The following TENM4 variants were observed in gnomAD, a reference collection of about 807,000 sequenced individuals.
TENM4 encodes teneurin-4.
Under a neutral mutation model 243.3 loss-of-function variants are expected in TENM4, and 82 were observed. That is an observed-to-expected ratio of 0.34 (90% CI 0.28 to 0.40). The LOEUF (loss-of-function observed/expected upper bound fraction) is 0.40. Ranked by LOEUF, TENM4 falls within the 10% of genes least tolerant of loss-of-function variation. The probability of loss-of-function intolerance (pLI) is 1.00; values close to 1 mark genes in which losing one functional copy is unlikely to be tolerated. For missense variants in TENM4, 3,138 were observed against 3,673.3 expected (o/e 0.85, Z 3.77); for synonymous variants, 1,412 against 1,456.3 (o/e 0.97, Z 0.69).
chr11:78,805,277 T>TCCCCACCCACCACAACCCC lies in TENM4; in HGVS notation c.2179+14_2179+15insGGGGTTGTGGTGGGTGGGG. 1 of 1,402,550 alleles carries TCCCCACCCACCACAACCCC rather than the reference T, an allele frequency of 7.1e-7. No individual in the cohort carries two copies. Among genetic ancestry groups the TCCCCACCCACCACAACCCC allele is most frequent in the Non-Finnish European group, 9.7e-7 (1 of 1,033,116 alleles). 86.9% of individuals were successfully genotyped at this position (1,402,550 alleles called of 1,614,324 possible). A position where few individuals can be genotyped will look rare whatever the true frequency, so the allele number is the denominator to read the frequency against. On this transcript the variant is annotated intron_variant, in intron 15 of 33. Transcript: ENST00000278550. ...CCCCTCCCTCTACCCATGCTTCTTC[T>TCCCCACCCACCACAACCCC]CCCCCTGCATTTACCGATAGAACAG...
chr11:78,708,810 C>T (rs1390404331), intron 26 of TENM4, among the ~76,000 whole-genome samples: 1 of 152,154 alleles, frequency 6.6e-6, no homozygotes, highest in Non-Finnish European at 1.5e-5. Flanking sequence ...GGATTCATAA[C>T]TTCTGGGGGT....
intron 3 of TENM4, among the ~76,000 whole-genome samples, chr11:79,169,980 G>A (rs1425570991): frequency 2.0e-5 from 3 of 152,198 alleles, no homozygotes; most frequent in Non-Finnish European, 2.9e-5. Context: ...ATAGGATGGG[G>A]CTTTTCTTTC....
intron 6 of TENM4, among the ~76,000 whole-genome samples, chr11:78,934,517 T>C (rs558021752): frequency 6.6e-6 from 1 of 152,286 alleles, no homozygotes; most frequent in African/African-American, 2.4e-5. Context: ...ACCTGGAAGG[T>C]CCTTCCAGTA....
chr11:79,176,798 T>A (rs542874455), intron 3 of TENM4, among the ~76,000 whole-genome samples: 20 of 152,326 alleles, frequency 1.3e-4, no homozygotes, highest in African/African-American at 3.8e-4. Context: ...CACATGTAAA[T>A]ACAATCATTT....
intron 6 of TENM4, among the ~76,000 whole-genome samples, chr11:79,019,297 G>A (rs1176465601): frequency 6.6e-6 from 1 of 152,146 alleles, no homozygotes; most frequent in Non-Finnish European, 1.5e-5. Context: ...CAGCAGCATG[G>A]TCACTAACCT....
chr11:79,143,167 C>CATT, intron 4 of TENM4, among the ~76,000 whole-genome samples: 1 of 152,090 alleles, frequency 6.6e-6, no homozygotes, highest in Non-Finnish European at 1.5e-5. Context: ...CCAGCGATCC[C>CATT]ATTACTGGCT....
At chr11:79,019,102 A>G (rs937229007) in intron 6 of TENM4, among the ~76,000 whole-genome samples, 2 of 152,196 alleles carry the variant, frequency 1.3e-5, no homozygotes, top group Admixed American at 1.3e-4. Flanking sequence ...CTTCTGGACA[A>G]CTAACTTCTC....
At chr11:78,751,291 A>G (rs1428192725) in intron 19 of TENM4, among the ~76,000 whole-genome samples, 2 of 152,032 alleles carry the variant, frequency 1.3e-5, no homozygotes, top group Non-Finnish European at 2.9e-5. Context: ...TTTGGGGTAA[A>G]TTCTCTGGTC....
intron 9 of TENM4, among the ~76,000 whole-genome samples, chr11:78,868,916 G>GT (rs568334762): frequency 0.042 from 6,197 of 148,234 alleles, 169 homozygotes; most frequent in Non-Finnish European, 0.069. Context: ...TTAGTGCTCA[G>GT]TTTTTTTTTT....
At chr11:79,264,603 G>C (rs1855852624) in intron 2 of TENM4, among the ~76,000 whole-genome samples, 1 of 152,140 alleles carries the variant, frequency 6.6e-6, no homozygotes, top group African/African-American at 2.4e-5. Context: ...AGTGGGTTGG[G>C]ATTAGGAGGC....
chr11:78,840,425 A>G (rs1427490809), intron 12 of TENM4, among the ~76,000 whole-genome samples: 4 of 152,190 alleles, frequency 2.6e-5, no homozygotes, highest in Non-Finnish European at 5.9e-5. Flanking sequence ...TTGCTTAGAT[A>G]AAGGCATGAA....
intron 7 of TENM4, among the ~76,000 whole-genome samples, chr11:78,891,674 T>A (rs1323037539): frequency 6.6e-6 from 1 of 152,190 alleles, no homozygotes; most frequent in East Asian, 1.9e-4. Flanking sequence ...AGGAAGGCAA[T>A]GTAATCCTCA....
At chr11:79,186,188 C>T (rs1032823542) in intron 3 of TENM4, among the ~76,000 whole-genome samples, 45 of 152,298 alleles carry the variant, frequency 3.0e-4, no homozygotes, top group African/African-American at 9.9e-4. Context: ...ATGAATACCA[C>T]CACCTTGCCA....
In TENM4 at chr11:78,688,182, C is replaced by A; in HGVS notation, c.5132G>T (p.Gly1711Val). 6.2e-7 allele frequency: 1 copy of A among 1,613,738 alleles called. No homozygotes were observed. Among genetic ancestry groups the A allele is most frequent in the South Asian group, 1.1e-5 (1 of 91,012 alleles). The stretch of plus-strand genomic sequence containing the variant: ...ATCACTTCGGAAACTGCTCACCTGG[C>A]CAGTAGGGAAGGTCACATTTGTCAG... ...GRLTNVTFPT[G>V]QVSSFRSDTD... is the part of the protein sequence containing the mutation. The change falls in exon 29 of 34, where the codon GGC becomes GTC. Residue 1711 changes from glycine to valine, a missense_variant. This residue lies in a region of TENM4 where 2,467 missense variants were observed against 3,059.1 expected (regional missense o/e 0.81). Coordinates refer to ENST00000278550, the MANE Select transcript of TENM4 (RefSeq NM_001098816.3).
rs114518824 is a variant in TENM4, at chr11:78,822,987, C to G, written c.1682-8592G>C. Among the ~76,000 whole-genome samples the G allele has an allele frequency of 6.0e-3, 907 of 152,288 alleles. 11 individuals are homozygous for G. The highest frequency in any genetic ancestry group is 0.021 in the African/African-American group (857 of 41,558). Reference sequence around the variant, plus strand: ...CCTTGATGGGAGCCTCAAGCGGCCCCGAGGTTAGCCTCCTTCCTGGCTGTT... The same window carrying G: ...CCTTGATGGGAGCCTCAAGCGGCCCGGAGGTTAGCCTCCTTCCTGGCTGTT... On this transcript the variant is annotated intron_variant, in intron 12 of 33. Coordinates refer to ENST00000278550, the MANE Select transcript of TENM4 (RefSeq NM_001098816.3).
chr11:78,698,777 G>A (rs568854724), intron 28 of TENM4, among the ~76,000 whole-genome samples: 1 of 152,346 alleles, frequency 6.6e-6, no homozygotes, highest in South Asian at 2.1e-4. Context: ...CTTGGGTCTG[G>A]AGGCCAGCTA....
At chr11:79,031,453 G>GGCACCAGGAAGCCAGAA (rs1427001744) in intron 6 of TENM4, among the ~76,000 whole-genome samples, 16 of 152,280 alleles carry the variant, frequency 1.1e-4, no homozygotes, top group African/African-American at 3.8e-4. Flanking sequence ...CTTTCTCATA[G>GGCACCAGGAAGCCAGAA]GCACCAGGAA....
chr11:79,115,403 T>C (rs1233780864), intron 4 of TENM4, among the ~76,000 whole-genome samples: 1 of 152,206 alleles, frequency 6.6e-6, no homozygotes, highest in Non-Finnish European at 1.5e-5. Flanking sequence ...CTACTGACTA[T>C]ACCTTAGTAA....
At chr11:78,709,765 G>A (rs1184235146) in intron 26 of TENM4, among the ~76,000 whole-genome samples, 1 of 152,192 alleles carries the variant, frequency 6.6e-6, no homozygotes, top group African/African-American at 2.4e-5. Flanking sequence ...TGCATCACAG[G>A]CACCTGAAGA....
Sources: allele counts gnomAD v4.1 joint callset (sites outside exome capture counted in the v4.1 genomes callset), GRCh38; gene constraint gnomAD v4.1.1; regional missense constraint gnomAD v4.1.1; transcripts MANE v1.5; gene names NCBI Gene and HGNC (gene_info 2026-07-23, HGNC 2026-07-21).